CFAP20DC: variants seen among roughly 807,000 people sequenced by gnomAD.
CFAP20DC encodes protein CFAP20DC.
CFAP20DC carries 84 observed loss-of-function variants against 101.7 expected under a neutral mutation model. The observed-to-expected ratio is 0.83, with a 90% CI of 0.69 to 0.99. CFAP20DC has a LOEUF of 0.99. Ranked by LOEUF, CFAP20DC falls within the 50% of genes least tolerant of loss-of-function variation. The probability of loss-of-function intolerance (pLI) is 0.00; values close to 1 mark genes in which losing one functional copy is unlikely to be tolerated. For missense variants in CFAP20DC, 1,007 were observed against 970.3 expected, an observed-to-expected ratio of 1.04 and a Z score of -0.50; for synonymous variants, 359 against 351.2, an observed-to-expected ratio of 1.02 and a Z score of -0.25.
At chr3:58,946,998 C>T (rs1212532034) in intron 4 of CFAP20DC, among the ~76,000 whole-genome samples, 1 of 152,130 alleles carries the variant, frequency 6.6e-6, no homozygotes, top group Admixed American at 6.5e-5. Flanking sequence ...AGACATTAAG[C>T]AACTTGTTCA....
intron 14 of CFAP20DC, among the ~76,000 whole-genome samples, chr3:58,818,354 TAA>T (rs1352025504): frequency 1.4e-5 from 2 of 147,118 alleles, no homozygotes; most frequent in Non-Finnish European, 3.0e-5. Flanking sequence ...GCAAATTGGA[TAA>T]AGAGTCAAGA....
At chr3:58,888,379 CAAAT>C (rs368090760) in intron 6 of CFAP20DC, among the ~76,000 whole-genome samples, 157 of 152,232 alleles carry the variant, frequency 1.0e-3, no homozygotes, top group African/African-American at 3.5e-3. Context: ...GAATATGAAA[CAAAT>C]AAAATCACAA....
At chr3:58,937,340 T>C (rs771559809) in intron 5 of CFAP20DC, among the ~76,000 whole-genome samples, 2 of 152,198 alleles carry the variant, frequency 1.3e-5, no homozygotes, top group African/African-American at 2.4e-5. Flanking sequence ...CTAAGTGCTA[T>C]CTCCTTCAGA....
intron 14 of CFAP20DC, among the ~76,000 whole-genome samples, chr3:58,820,161 C>T (rs994452574): frequency 6.6e-6 from 1 of 152,032 alleles, no homozygotes. Context: ...TAAGAGCTAT[C>T]TATGACAAAC....
chr3:58,744,416 C>A (rs533122599), intron 16 of CFAP20DC, among the ~76,000 whole-genome samples: 1 of 151,876 alleles, frequency 6.6e-6, no homozygotes, highest in South Asian at 2.1e-4. Context: ...ATGTTTAATT[C>A]GGAGCTATTA....
downstream of CFAP20DC, chr3:58,737,225 C>T: frequency 2.2e-6 from 1 of 456,426 alleles, no homozygotes; most frequent in Non-Finnish European, 4.4e-6. This position sits in a 1 kb window ranked among gnomAD's most constrained non-coding sequence, Gnocchi z 4.1. Context: ...TGTGAAATAT[C>T]TGGGCAAAGC....
intron 4 of CFAP20DC, among the ~76,000 whole-genome samples, chr3:58,981,938 A>C (rs2092566831): frequency 6.6e-6 from 1 of 152,210 alleles, no homozygotes; most frequent in Admixed American, 6.5e-5. Flanking sequence ...AAATGGGAGA[A>C]AATTTTCGCA....
chr3:58,918,124 C>T (rs947493460), intron 5 of CFAP20DC, among the ~76,000 whole-genome samples: 9 of 152,134 alleles, frequency 5.9e-5, no homozygotes, highest in African/African-American at 1.7e-4. Context: ...GACACATTAC[C>T]GTCAGTGAAA....
At chr3:58,816,596 G>A (rs1037373588) in intron 14 of CFAP20DC, among the ~76,000 whole-genome samples, 3 of 151,630 alleles carry the variant, frequency 2.0e-5, no homozygotes, top group East Asian at 1.9e-4. Context: ...CTTAAAAAAC[G>A]GTGAACCACG....
intron 15 of CFAP20DC, among the ~76,000 whole-genome samples, chr3:58,777,260 T>C (rs886387529): frequency 1.3e-5 from 2 of 152,186 alleles, no homozygotes; most frequent in African/African-American, 4.8e-5. Flanking sequence ...CCCCGCTTTG[T>C]GTTGTCTTCC....
In CFAP20DC at chr3:58,753,776, A is replaced by C; in HGVS notation, c.2325T>G (p.Ser775Arg). Residue 775 changes from serine (S) to arginine (R), a missense_variant, in exon 16 of 17, where the codon AGT (serine) becomes AGG (arginine). Ser to Arg is a moderately radical substitution (Grantham distance 110). Coordinates refer to ENST00000482387, the MANE Select transcript of CFAP20DC (RefSeq NM_001394063.1). Reference sequence around the variant, plus strand: ...CGTTTTTCATAGTCCCACCTTGAACACTCAAACTTTCACAGGAATCTGGAC... The same window carrying C: ...CGTTTTTCATAGTCCCACCTTGAACCCTCAAACTTTCACAGGAATCTGGAC... ...EQRPDSCESLSVQGEEDLSVE... is the reference protein window; with the variant it reads ...EQRPDSCESLRVQGEEDLSVE... 1 of 1,609,142 alleles carries C rather than the reference A, an allele frequency of 6.2e-7. No individual in the cohort carries two copies. The highest frequency in any genetic ancestry group is 8.5e-7 in the Non-Finnish European group (1 of 1,176,260).
chr3:58,907,870 C>T (rs1576253861), intron 6 of CFAP20DC, among the ~76,000 whole-genome samples: 2 of 152,274 alleles, frequency 1.3e-5, no homozygotes, highest in South Asian at 2.1e-4. Flanking sequence ...TTATACACCA[C>T]AGCACCTTGA....
chr3:58,848,906 G>C (rs1224155499), intron 13 of CFAP20DC, 126 bp downstream of exon 13: 14 of 1,196,946 alleles, frequency 1.2e-5, no homozygotes, highest in Non-Finnish European at 1.6e-5. Flanking sequence ...ATCAGAACAG[G>C]AAAGAAAATA....
rs955955591 is a variant in CFAP20DC, at chr3:58,912,353, G to T, written c.550+1355C>A. Among the ~76,000 whole-genome samples, 2 of 152,050 alleles carry T rather than the reference G, an allele frequency of 1.3e-5. No homozygotes were observed. The highest frequency in any genetic ancestry group is 4.8e-5 in the African/African-American group (2 of 41,394). ...AAAAAATGAAATCTTTCACTTTCTCGTATAGTCTGTAAGTGGGTACATAAG... is the reference window on the plus strand; with the variant it reads ...AAAAAATGAAATCTTTCACTTTCTCTTATAGTCTGTAAGTGGGTACATAAG... On this transcript the variant is annotated intron_variant, in intron 6 of 16. Coordinates refer to ENST00000482387, the MANE Select transcript of CFAP20DC (RefSeq NM_001394063.1). This position sits in a 1 kb window ranked among gnomAD's most constrained non-coding sequence, Gnocchi z 4.4.
intron 12 of CFAP20DC, among the ~76,000 whole-genome samples, chr3:58,852,484 C>T (rs573882548): frequency 5.3e-5 from 8 of 151,936 alleles, no homozygotes; most frequent in Non-Finnish European, 7.4e-5. Flanking sequence ...CTGCACCAAG[C>T]GGACCTAATA....
rs527274715 is a variant in CFAP20DC, at chr3:58,783,880, G to A, written c.2237+22515C>T. On this transcript the variant is annotated intron_variant, in intron 15 of 16. Coordinates refer to ENST00000482387, the MANE Select transcript of CFAP20DC (RefSeq NM_001394063.1). Reference sequence around the variant, plus strand: ...TTTCAACTTTTATTTTAGATTCAGGGGATACATGTGCAGATTTGTTATGTG... The same window carrying A: ...TTTCAACTTTTATTTTAGATTCAGGAGATACATGTGCAGATTTGTTATGTG... Among the ~76,000 whole-genome samples, 11 of 152,054 alleles carry A rather than the reference G, an allele frequency of 7.2e-5. No homozygotes were observed. The South Asian group carries it at 2.3e-3, about 32-fold the overall frequency.
chr3:58,868,053 T>C lies in CFAP20DC; in HGVS notation c.1016-117A>G. On this transcript the variant is annotated intron_variant, in intron 9 of 16. Transcript: ENST00000482387. This position sits in a 1 kb window ranked among gnomAD's most constrained non-coding sequence, Gnocchi z 4.6. ...ATATTCATGTATAATTTTGACATAA[T>C]GTGAAGATACATCAAAAATACAACT... is the stretch of plus-strand genomic sequence containing the variant. 1 of 1,178,212 alleles carries C rather than the reference T, an allele frequency of 8.5e-7. No individual in the cohort carries two copies. Among genetic ancestry groups the C allele is most frequent in the Non-Finnish European group, 1.1e-6 (1 of 871,782 alleles). 73.0% of individuals were successfully genotyped at this position (1,178,212 alleles called of 1,614,324 possible). A position where few individuals can be genotyped will look rare whatever the true frequency, so the allele number is the denominator to read the frequency against.
At chr3:58,883,230 T>G (rs1306906191) in intron 7 of CFAP20DC, among the ~76,000 whole-genome samples, 1 of 152,226 alleles carries the variant, frequency 6.6e-6, no homozygotes, top group East Asian at 1.9e-4. Context: ...GCCATTGCTT[T>G]CCACTTTCAA....
At chr3:58,929,510 C>T (rs2086352220) in intron 5 of CFAP20DC, among the ~76,000 whole-genome samples, 1 of 152,142 alleles carries the variant, frequency 6.6e-6, no homozygotes, top group African/African-American at 2.4e-5. Context: ...ATTTGTAAGG[C>T]ATTTCCCTAA....
Sources: allele counts gnomAD v4.1 joint callset (sites outside exome capture counted in the v4.1 genomes callset), GRCh38; gene constraint gnomAD v4.1.1; non-coding constraint Gnocchi (gnomAD v3.1); transcripts MANE v1.5; gene names NCBI Gene and HGNC (gene_info 2026-07-23, HGNC 2026-07-21).